PRKCH: variants seen among roughly 807,000 people sequenced by gnomAD.
PRKCH encodes the protein protein kinase C eta, also known as protein kinase C eta type.
PRKCH carries 28 observed loss-of-function variants against 82.5 expected under a neutral mutation model. The observed-to-expected ratio is 0.34, with a 90% CI of 0.25 to 0.47. The LOEUF (loss-of-function observed/expected upper bound fraction) is 0.47. Among genes scored for constraint, PRKCH ranks in the 20% least tolerant of loss-of-function variants. PRKCH has a pLI of 1.00. For synonymous variants in PRKCH, 322 were observed against 327.4 expected (o/e 0.98, Z 0.18); for missense variants, 705 against 881.8 (o/e 0.80, Z 2.54).
intron 1 of PRKCH, among the ~76,000 whole-genome samples, chr14:61,269,948 C>A (rs1566801010): frequency 6.6e-6 from 1 of 152,186 alleles, no homozygotes; most frequent in African/African-American, 2.4e-5. Flanking sequence ...TTTCTCAGTT[C>A]TGTAGAACGA....
At chr14:61,282,999 G>A (rs1036890861) in intron 1 of PRKCH, among the ~76,000 whole-genome samples, 11 of 151,520 alleles carry the variant, frequency 7.3e-5, no homozygotes, top group South Asian at 2.1e-4. Flanking sequence ...CACAAAACTC[G>A]TCTCTAGGAA....
chr14:61,260,770 T>A (rs2045038158), intron 1 of PRKCH, among the ~76,000 whole-genome samples: 1 of 152,332 alleles, frequency 6.6e-6, no homozygotes, highest in Admixed American at 6.5e-5. Flanking sequence ...CACAAATCCT[T>A]TAATCTATTG....
intron 1 of PRKCH, among the ~76,000 whole-genome samples, chr14:61,204,776 AAAG>A (rs1268393649): frequency 6.6e-6 from 1 of 150,532 alleles, no homozygotes; most frequent in Admixed American, 6.6e-5. Flanking sequence ...AAAAAAAAAA[AAAG>A]AAAAGAAATA....
At chr14:61,440,121 A>G (rs569618637) in intron 2 of PRKCH, among the ~76,000 whole-genome samples, 5 of 152,336 alleles carry the variant, frequency 3.3e-5, no homozygotes, top group South Asian at 4.1e-4. Context: ...GCTGGTGATA[A>G]CAGAGGCTGG....
chr14:61,372,436 C>CA (rs2046374268), intron 1 of PRKCH, among the ~76,000 whole-genome samples: 1 of 152,032 alleles, frequency 6.6e-6, no homozygotes, highest in Non-Finnish European at 1.5e-5. Context: ...TGTTACAGAC[C>CA]TTTTTTTACT....
rs536556573 is a variant in PRKCH at position 61,246,160 on chromosome 14, C to T, written c.-19+58492C>T. The stretch of plus-strand genomic sequence containing the variant: ...GTGGCTCACACCTATAATCCTAGCC[C>T]TTTGGGAGGCCGAGGCGAGTGGATC... On this transcript the variant is annotated intron_variant, in intron 1 of 3. Transcript: ENST00000555185. 7.6e-4 allele frequency among the ~76,000 whole-genome samples: 116 copies of T among 152,002 alleles called. 1 individual carries two copies. The highest frequency in any genetic ancestry group is 5.8e-3 in the South Asian group (28 of 4,788).
In PRKCH at chr14:61,239,947, A is replaced by G. The variant is rs962200928; in HGVS notation, c.-19+52279A>G. Among the ~76,000 whole-genome samples the G allele has an allele frequency of 5.3e-5, 8 of 152,214 alleles. No homozygotes were observed. In the East Asian group the frequency reaches 1.5e-3, roughly 29 times the overall value. ...CAGATAGCAATAACCACACAATTGT[A>G]TATTTTACTTTTTTGTTGTTTATTA... On this transcript the variant is annotated intron_variant, in intron 1 of 3. Coordinates refer to the PRKCH transcript ENST00000555185.
intron 1 of PRKCH, among the ~76,000 whole-genome samples, chr14:61,301,386 G>A (rs2045446247): frequency 1.3e-5 from 2 of 152,176 alleles, no homozygotes; most frequent in African/African-American, 2.4e-5. Context: ...TGTAGGATAT[G>A]TTTTGCATTT....
intron 10 of PRKCH, among the ~76,000 whole-genome samples, chr14:61,486,200 A>G (rs1888789943): frequency 6.6e-6 from 1 of 152,174 alleles, no homozygotes; most frequent in East Asian, 1.9e-4. Flanking sequence ...TTTTCATTTT[A>G]ACATTTGAAG....
In PRKCH at chr14:61,327,372, T is replaced by C. The variant is rs1203148905; in HGVS notation, c.363+4908T>C. ...TGCCGTTGTTTATTCTCATGATTGA[T>C]TTTTTTCTGAGCCAATTGGAAGGAA... On this transcript the variant is annotated intron_variant, in intron 1 of 13. Coordinates refer to ENST00000332981, the MANE Select transcript of PRKCH (RefSeq NM_006255.5). Among the ~76,000 whole-genome samples the C allele has an allele frequency of 1.2e-4, 18 of 152,206 alleles. 1 individual carries two copies. The highest frequency in any genetic ancestry group is 1.2e-3 in the Admixed American group (18 of 15,282).
chr14:61,520,260 T>G (rs1427679454), intron 10 of PRKCH, among the ~76,000 whole-genome samples: 1 of 146,326 alleles, frequency 6.8e-6, no homozygotes, highest in Non-Finnish European at 1.6e-5. Context: ...CTCATCTCCT[T>G]TTTTCCTCCT....
At chr14:61,545,759 C>T (rs1303728780) in intron 12 of PRKCH, among the ~76,000 whole-genome samples, 1 of 152,174 alleles carries the variant, frequency 6.6e-6, no homozygotes, top group Non-Finnish European at 1.5e-5. Context: ...GACGGACGGT[C>T]GTGTTTGGTC....
intron 2 of PRKCH, among the ~76,000 whole-genome samples, chr14:61,414,144 C>T (rs905171450): frequency 1.3e-5 from 2 of 152,150 alleles, no homozygotes; most frequent in African/African-American, 2.4e-5. Flanking sequence ...TCATCTGTTT[C>T]AGTCTGGGAT....
chr14:61,523,922 C>A (rs916874414), intron 10 of PRKCH, among the ~76,000 whole-genome samples: 1 of 152,132 alleles, frequency 6.6e-6, no homozygotes, highest in Non-Finnish European at 1.5e-5. Context: ...GTCGATGTAG[C>A]GAGGGAGCAT....
chr14:61,320,903 C>A (rs560231029), upstream of PRKCH, among the ~76,000 whole-genome samples: 9 of 152,276 alleles, frequency 5.9e-5, no homozygotes, highest in African/African-American at 2.2e-4. Flanking sequence ...GACCAGAAAC[C>A]ACCCGCAGAG....
chr14:61,471,530 T>G lies in PRKCH; in HGVS notation c.1278+13851T>G, dbSNP rs999869277. Among the ~76,000 whole-genome samples the G allele has an allele frequency of 4.9e-4, 75 of 152,082 alleles. 1 individual carries two copies. The highest frequency in any genetic ancestry group is 1.7e-3 in the African/African-American group (72 of 41,472). On this transcript the variant is annotated intron_variant, in intron 9 of 13. Transcript: ENST00000332981. The stretch of plus-strand genomic sequence containing the variant: ...TTTACCGGGCTAAAAAAAATGATCT[T>G]TATCACCAGTTGTAAGTGACTTAAA...
chr14:61,227,159 T>C (rs1183393055), intron 1 of PRKCH, among the ~76,000 whole-genome samples: 1 of 152,354 alleles, frequency 6.6e-6, no homozygotes, highest in East Asian at 1.9e-4. Flanking sequence ...ATTGGCAGTA[T>C]AGAACAGCAG....
At chr14:61,545,426 C>G (rs2043243300) in intron 12 of PRKCH, 1 of 152,240 alleles carries the variant, frequency 6.6e-6, no homozygotes, top group Non-Finnish European at 1.5e-5. Flanking sequence ...TCTTGATTAG[C>G]TCCTGGATGA....
chr14:61,398,532 C>G (rs2140213622), intron 2 of PRKCH, among the ~76,000 whole-genome samples: 1 of 152,244 alleles, frequency 6.6e-6, no homozygotes, highest in South Asian at 2.1e-4. Context: ...ACTCAGGGAA[C>G]CACAAACTTA....
Sources: allele counts gnomAD v4.1 joint callset (sites outside exome capture counted in the v4.1 genomes callset), GRCh38; gene constraint gnomAD v4.1.1; transcripts MANE v1.5; gene names NCBI Gene and HGNC (gene_info 2026-07-23, HGNC 2026-07-21).